Variants in PXK observed in about 807,000 individuals in gnomAD.
PXK encodes PX domain-containing protein kinase-like protein.
PXK carries 35 observed loss-of-function variants against 84.7 expected under a neutral mutation model. That is an observed-to-expected ratio of 0.41 (90% CI 0.32 to 0.55). PXK has a LOEUF of 0.55. PXK is among the 20% of genes least tolerant of loss of function. The pLI is 0.21. For synonymous variants in PXK, 253 were observed against 260.8 expected (o/e 0.97, Z 0.29); for missense variants, 634 against 699.7 (o/e 0.91, Z 1.06).
In PXK at chr3:58,412,856, G is replaced by T. The variant is rs530785849; in HGVS notation, c.1466-45G>T. On this transcript the variant is annotated intron_variant, in intron 16 of 17. Coordinates refer to ENST00000356151, the MANE Select transcript of PXK (RefSeq NM_017771.5). The surrounding 1 kb of genome is among the most constrained non-coding windows in gnomAD (Gnocchi z 6.2). ...TCCCAGCCTGGGCCAAATTCCAAAT[G>T]TCTTTCGTTGGTCCCCATGAGGGTT... is the stretch of plus-strand genomic sequence containing the variant. 3 of 1,602,576 alleles carry T rather than the reference G, an allele frequency of 1.9e-6. No homozygotes were observed. Among genetic ancestry groups the T allele is most frequent in the Non-Finnish European group, 2.6e-6 (3 of 1,169,600 alleles).
At position 58,352,804 on chromosome 3, in the gene PXK, G is replaced by A. The variant is rs377377735; in HGVS notation, c.103-13070G>A. ...TGGAACATCAGCTGTCTTTGAAGTC[G>A]GTGTGGAGACCAGCTCTCCTGGTAG... On this transcript the variant is annotated intron_variant, in intron 1 of 17. Transcript: ENST00000356151. 2.8e-4 allele frequency among the ~76,000 whole-genome samples: 42 copies of A among 152,190 alleles called. 1 individual carries two copies. The highest frequency in any genetic ancestry group is 3.4e-3 in the Middle Eastern group (1 of 294).
At position 58,397,547 on chromosome 3, in the gene PXK, G is replaced by A. The variant is rs770825858; in HGVS notation, c.985-58G>A. ...CTCAGAGAAGCCTTGGGGCAGGAGC[G>A]CGAGGGTCCACAAAGCCAAAGTGAA... On this transcript the variant is annotated intron_variant, in intron 10 of 17. Coordinates refer to ENST00000356151, the MANE Select transcript of PXK (RefSeq NM_017771.5). The surrounding 1 kb of genome is among the most constrained non-coding windows in gnomAD (Gnocchi z 4.7). The A allele has an allele frequency of 9.3e-6, 13 of 1,392,722 alleles. No homozygotes were observed. Among genetic ancestry groups the A allele is most frequent in the African/African-American group, 7.1e-5 (5 of 70,496 alleles). 86.3% of individuals were successfully genotyped at this position (1,392,722 alleles called of 1,614,324 possible). A position where few individuals can be genotyped will look rare whatever the true frequency, so the allele number is the denominator to read the frequency against.
At chr3:58,380,668 G>A (rs905122249) in intron 3 of PXK, among the ~76,000 whole-genome samples, 5 of 152,034 alleles carry the variant, frequency 3.3e-5, no homozygotes, top group Admixed American at 3.3e-4. Flanking sequence ...AAAATTAGCC[G>A]GGTGCAGTGG....
chr3:58,342,634 CAAAAAAAAA>C (rs71091369), intron 1 of PXK, among the ~76,000 whole-genome samples: 1 of 113,476 alleles, frequency 8.8e-6, no homozygotes, highest in Non-Finnish European at 1.8e-5. Context: ...GACTCTGTCT[CAAAAAAAAA>C]AAAAAAAAGA....
chr3:58,416,876 G>A lies in PXK; in HGVS notation c.1528+3913G>A, dbSNP rs145780959. 3.2e-4 allele frequency among the ~76,000 whole-genome samples: 48 copies of A among 152,142 alleles called. No individual in the cohort carries two copies. In the East Asian group the frequency reaches 6.4e-3, roughly 20 times the overall value. On this transcript the variant is annotated intron_variant, in intron 17 of 17. Transcript: ENST00000356151. The surrounding 1 kb of genome is among the most constrained non-coding windows in gnomAD (Gnocchi z 4.8). ...GACCTCAAAGTGATCCACCCGCCTC[G>A]GCCCCCAAAGTGCTGGGATTACAGG...
Position 58,399,395 on chromosome 3 carries a change from G to A in PXK, c.1181+18G>A, listed in dbSNP as rs371280254. The A allele has an allele frequency of 4.4e-5, 71 of 1,599,872 alleles. No individual in the cohort carries two copies. The East Asian group carries it at 8.5e-4, about 19-fold the overall frequency. On this transcript the variant is annotated intron_variant, in intron 12 of 17. Coordinates refer to ENST00000356151, the MANE Select transcript of PXK (RefSeq NM_017771.5). This position sits in a 1 kb window ranked among gnomAD's most constrained non-coding sequence, Gnocchi z 4.3. ...CAGATGCCGTAAGTCAATCATATGCGTTGGTTGTAATCTTGATAACTATGT... is the reference window on the plus strand; with the variant it reads ...CAGATGCCGTAAGTCAATCATATGCATTGGTTGTAATCTTGATAACTATGT...
intron 6 of PXK, 83 bp downstream of exon 6, chr3:58,391,303 T>C (rs1011882838): frequency 2.5e-6 from 3 of 1,222,984 alleles, no homozygotes; most frequent in Non-Finnish European, 3.6e-6. Flanking sequence ...ATTACAAAAT[T>C]GTACTGTGCT....
intron 17 of PXK, chr3:58,422,966 C>G: frequency 2.0e-6 from 2 of 985,424 alleles, no homozygotes; most frequent in South Asian, 4.7e-5. Flanking sequence ...CCCTGAATAT[C>G]AAGTCCAGAT....
Position 58,390,491 on chromosome 3 carries a change from C to T in PXK, c.389-91C>T, listed in dbSNP as rs2098616798. 1.2e-6 allele frequency: 1 copy of T among 860,668 alleles called. No individual in the cohort carries two copies. Among genetic ancestry groups the T allele is most frequent in the Non-Finnish European group, 1.8e-6 (1 of 567,106 alleles). The allele number at this position is 860,668 out of a possible 1,614,324, so 53.3% of individuals were successfully genotyped here. A position where few individuals can be genotyped will look rare whatever the true frequency, so the allele number is the denominator to read the frequency against. On this transcript the variant is annotated intron_variant, in intron 4 of 17. Coordinates refer to ENST00000356151, the MANE Select transcript of PXK (RefSeq NM_017771.5). The surrounding 1 kb of genome is among the most constrained non-coding windows in gnomAD (Gnocchi z 4.2). ...TTAAGTTTTTTAAAAAGGTCATAGA[C>T]TATAGGGATTTCATTTACAAGAATA... is the stretch of plus-strand genomic sequence containing the variant.
At chr3:58,408,567 G>C (rs2059720573) in intron 13 of PXK, among the ~76,000 whole-genome samples, 1 of 150,664 alleles carries the variant, frequency 6.6e-6, no homozygotes, top group Non-Finnish European at 1.5e-5. Context: ...CTGTCACCCA[G>C]GCTGGAGTGC....
Position 58,382,509 on chromosome 3 carries a change from T to TA in PXK, c.202-2dup, listed in dbSNP as rs398038692. The TA allele has an allele frequency of 1.2e-5, 18 of 1,512,682 alleles. No individual in the cohort carries two copies. Among genetic ancestry groups the TA allele is most frequent in the East Asian group, 9.5e-5 (4 of 42,300 alleles). 93.7% of individuals were successfully genotyped at this position (1,512,682 alleles called of 1,614,324 possible). A position where few individuals can be genotyped will look rare whatever the true frequency, so the allele number is the denominator to read the frequency against. On this transcript the variant is annotated splice_polypyrimidine_tract_variant and splice_region_variant and intron_variant, in intron 3 of 17. Coordinates refer to ENST00000356151, the MANE Select transcript of PXK (RefSeq NM_017771.5). Reference sequence around the variant, plus strand: ...GAGTGTAACTTTTTTTTTTTTTTTTTAAAGATTGCAGGCCTAAGTCTACCT... The same window carrying TA: ...GAGTGTAACTTTTTTTTTTTTTTTTTAAAAGATTGCAGGCCTAAGTCTACCT...
chr3:58,338,449 C>G lies in PXK; in HGVS notation c.102+5359C>G, dbSNP rs916413644. On this transcript the variant is annotated intron_variant, in intron 1 of 17. Coordinates refer to ENST00000356151, the MANE Select transcript of PXK (RefSeq NM_017771.5). Reference sequence around the variant, plus strand: ...AACAGCCTGGCCAACGTGGTGAAACCCTGTCTCTACTAAAAATACAAAAAT... The same window carrying G: ...AACAGCCTGGCCAACGTGGTGAAACGCTGTCTCTACTAAAAATACAAAAAT... Among the ~76,000 whole-genome samples the G allele has an allele frequency of 4.8e-4, 72 of 150,832 alleles. 2 individuals are homozygous for G. Among genetic ancestry groups the G allele is most frequent in the Admixed American group, 2.0e-4 (3 of 15,120 alleles).
At chr3:58,338,498 C>A (rs191429396) in intron 1 of PXK, among the ~76,000 whole-genome samples, 70 of 147,280 alleles carry the variant, frequency 4.8e-4, no homozygotes, top group Admixed American at 8.8e-4. Flanking sequence ...TGGGGTGTGC[C>A]TGTAATCCCA....
At chr3:58,413,061 A>C in intron 17 of PXK, 98 bp downstream of exon 17, 1 of 1,276,024 alleles carries the variant, frequency 7.8e-7, no homozygotes, top group South Asian at 1.2e-5. Flanking sequence ...TTCAGGGGTT[A>C]GATAGCAGCA....
chr3:58,378,510 T>G (rs1275420178), intron 3 of PXK, among the ~76,000 whole-genome samples: 494 of 27,470 alleles, frequency 0.018, 3 homozygotes, highest in African/African-American at 0.041. Context: ...TTTTTTTTTT[T>G]TTTGTGTGTG....
chr3:58,399,437 G>A lies in PXK; in HGVS notation c.1181+60G>A. 1.3e-6 allele frequency: 2 copies of A among 1,514,398 alleles called. No individual in the cohort carries two copies. Among genetic ancestry groups the A allele is most frequent in the Non-Finnish European group, 1.8e-6 (2 of 1,094,502 alleles). The allele number at this position is 1,514,398 out of a possible 1,614,324, so 93.8% of individuals were successfully genotyped here. On this transcript the variant is annotated intron_variant, in intron 12 of 17. Coordinates refer to ENST00000356151, the MANE Select transcript of PXK (RefSeq NM_017771.5). This position sits in a 1 kb window ranked among gnomAD's most constrained non-coding sequence, Gnocchi z 4.3. The stretch of plus-strand genomic sequence containing the variant: ...TAACTATGTTGAACACCAGACCACT[G>A]TGTCCAAGCACCTGGTACTGTAGTA...
At chr3:58,424,286 G>A (rs562835926) in intron 17 of PXK, among the ~76,000 whole-genome samples, 22 of 152,158 alleles carry the variant, frequency 1.4e-4, no homozygotes, top group African/African-American at 5.3e-4. Context: ...TTGGAGCAGC[G>A]AAAGAACTGT....
intron 1 of PXK, among the ~76,000 whole-genome samples, chr3:58,341,760 G>A (rs991267520): frequency 3.3e-5 from 5 of 151,096 alleles, no homozygotes; most frequent in Admixed American, 1.3e-4. Flanking sequence ...CTGGAGTGCA[G>A]CAGTGTGATC....
At chr3:58,423,537 C>T (rs1430508797) in intron 17 of PXK, 3 of 1,535,222 alleles carry the variant, frequency 2.0e-6, no homozygotes, top group Non-Finnish European at 2.6e-6. Flanking sequence ...ATACCTGTCA[C>T]ACTTGGTGAA....
Sources: allele counts gnomAD v4.1 joint callset (sites outside exome capture counted in the v4.1 genomes callset), GRCh38; gene constraint gnomAD v4.1.1; non-coding constraint Gnocchi (gnomAD v3.1); transcripts MANE v1.5; gene names NCBI Gene and HGNC (gene_info 2026-07-23, HGNC 2026-07-21).